The following ALOXE3 variants were observed in gnomAD, a reference collection of about 807,000 sequenced individuals.
The protein encoded by ALOXE3 is hydroperoxide isomerase ALOXE3.
Under a neutral mutation model 87.5 loss-of-function variants are expected in ALOXE3, and 78 were observed. The ratio of observed to expected loss-of-function variants is 0.89; its 90% CI spans 0.74 to 1.08. The LOEUF is 1.08. Among genes scored for constraint, ALOXE3 ranks in the 50% least tolerant of loss-of-function variants. ALOXE3 has a pLI of 0.00. For synonymous variants in ALOXE3, 363 were observed against 370.8 expected (o/e 0.98, Z 0.24); for missense variants, 946 against 912.4 (o/e 1.04, Z -0.47).
chr17:8,118,819 G>T (rs543216194), upstream of ALOXE3: 3 of 1,536,682 alleles, frequency 2.0e-6, no homozygotes, highest in Admixed American at 5.9e-5. Flanking sequence ...CAGGATCCTG[G>T]GCGGGAGCCC....
At chr17:8,109,047 C>A in intron 12 of ALOXE3, 127 bp downstream of exon 12, 1 of 1,414,918 alleles carries the variant, frequency 7.1e-7, no homozygotes, top group Non-Finnish European at 9.6e-7. Context: ...CAATTCATAC[C>A]CTCAAGAATT....
In ALOXE3 at chr17:8,114,493, G is replaced by C. The variant is rs754793448; in HGVS notation, c.671C>G (p.Ala224Gly). ...GGGACAATGGCCTTACGCAGGGATG[G>C]CATTGAAGAGCAGCGAGATCGTCTT... The part of the protein sequence containing the change: ...ATKTISLLFN[A>G]IPASLGMKLR... The change falls in exon 6 of 16, where the codon GCC becomes GGC. Residue 224 changes from alanine to glycine, a missense_variant. Physicochemically the swap from Ala to Gly is moderately conservative, Grantham distance 60. Transcript: ENST00000448843. 1 of 1,614,012 alleles carries C rather than the reference G, an allele frequency of 6.2e-7. No homozygotes were observed. The highest frequency in any genetic ancestry group is 8.5e-7 in the Non-Finnish European group (1 of 1,179,964).
rs1980073662 is a variant in ALOXE3 at position 8,111,408 on chromosome 17, A to G, written c.908T>C (p.Met303Thr). The change falls in exon 8 of 16, where the codon ATG becomes ACG. Residue 303 changes from methionine to threonine, a missense_variant. Physicochemically the swap from Met to Thr is moderately conservative, Grantham distance 81. Coordinates refer to ENST00000448843, the MANE Select transcript of ALOXE3 (RefSeq NM_021628.3). ...LPSKLPVTND[M>T]VAPLLGQDTC... ...GTCCTGTCCCAGCAAGGGGGCCACCATGTCATTGGTGACAGGCAGCTTGCT... is the reference window on the plus strand; with the variant it reads ...GTCCTGTCCCAGCAAGGGGGCCACCGTGTCATTGGTGACAGGCAGCTTGCT... 1.9e-6 allele frequency: 3 copies of G among 1,613,882 alleles called. No homozygotes were observed. Among genetic ancestry groups the G allele is most frequent in the Non-Finnish European group, 2.5e-6 (3 of 1,180,034 alleles).
intron 13 of ALOXE3, among the ~76,000 whole-genome samples, chr17:8,107,520 C>T (rs1034469943): frequency 6.6e-5 from 10 of 151,518 alleles, no homozygotes; most frequent in African/African-American, 2.4e-4. Context: ...CTGTCTCGCA[C>T]CAGGCGAGGT....
intron 13 of ALOXE3, 146 bp from the exon 14 acceptor site, chr17:8,104,361 G>T: frequency 1.5e-6 from 1 of 668,472 alleles, no homozygotes; most frequent in South Asian, 1.6e-5. Context: ...GTTAGGGATG[G>T]CCACCACCAA....
At chr17:8,117,764 A>G (rs976979115) in intron 2 of ALOXE3, 80 bp downstream of exon 2, 1 of 1,553,154 alleles carries the variant, frequency 6.4e-7, no homozygotes, top group Admixed American at 1.9e-5. Flanking sequence ...GCAGGATCTC[A>G]AGAGTCCAGG....
At position 8,096,727 on chromosome 17, in the gene ALOXE3, A is replaced by G. The variant is rs1978563392; in HGVS notation, c.2036T>C (p.Leu679Pro). 1.2e-6 allele frequency: 2 copies of G among 1,614,050 alleles called. No homozygotes were observed. Among genetic ancestry groups the G allele is most frequent in the Non-Finnish European group, 1.7e-6 (2 of 1,179,888 alleles). ...RRSIAAFQSR[L>P]AQISRDIQER... is the part of the protein sequence containing the mutation. ...CTGGATGTCCCTTGAGATCTGGGCC[A>G]GGCGGCTCTGGAAGGCGGCGATGCT... The change falls in exon 16 of 16, where the codon CTG becomes CCG. Residue 679 changes from leucine to proline, a missense_variant. Leu to Pro is a moderately conservative substitution (Grantham distance 98, BLOSUM62 -3). Transcript: ENST00000448843.
In ALOXE3 at chr17:8,110,357, C is replaced by T. The variant is rs1231418028; in HGVS notation, c.1101+28G>A. On this transcript the variant is annotated intron_variant, in intron 9 of 15. Coordinates refer to ENST00000448843, the MANE Select transcript of ALOXE3 (RefSeq NM_021628.3). ...GGCTGGCGGTTAGCACCTGAGCCCC[C>T]ATCCCGGGGCGGCGGCGCCGGGCTC... is the stretch of plus-strand genomic sequence containing the variant. The T allele has an allele frequency of 2.5e-6, 4 of 1,605,290 alleles. No individual in the cohort carries two copies. The East Asian group carries it at 9.0e-5, about 36-fold the overall frequency.
Position 8,110,195 on chromosome 17 carries a change from A to T in ALOXE3, c.1202T>A (p.Leu401Gln), listed in dbSNP as rs761241768. The change falls in exon 10 of 16, where the codon CTG becomes CAG. Residue 401 changes from leucine (L) to glutamine (Q), a missense_variant. Coordinates refer to ENST00000448843, the MANE Select transcript of ALOXE3 (RefSeq NM_021628.3). ...AAAGTGCGTGTTGTTTTCGTGCACC[A>T]GGAACTCAGAGTTGCGCACCCACGT... ...AKTWVRNSEF[L>Q]VHENNTHFLC... is the part of the protein sequence containing the mutation. 1.9e-6 allele frequency: 3 copies of T among 1,614,136 alleles called. No homozygotes were observed. The highest frequency in any genetic ancestry group is 2.5e-6 in the Non-Finnish European group (3 of 1,179,960).
intron 7 of ALOXE3, 106 bp downstream of exon 7, chr17:8,111,987 G>A: frequency 9.7e-7 from 1 of 1,034,964 alleles, no homozygotes; most frequent in Non-Finnish European, 1.5e-6. Context: ...AAATCCAGCA[G>A]TCTCCCTGGG....
At chr17:8,107,905 GAA>G (rs1414298996) in intron 13 of ALOXE3, among the ~76,000 whole-genome samples, 3 of 5,300 alleles carry the variant, frequency 5.7e-4, no homozygotes, top group African/African-American at 8.1e-4. Context: ...AAGAAAGAAA[GAA>G]AGAAAGAAAG....
chr17:8,110,163 T>C lies in ALOXE3; in HGVS notation c.1234A>G (p.Thr412Ala). 4.3e-6 allele frequency: 7 copies of C among 1,614,032 alleles called. No homozygotes were observed. The highest frequency in any genetic ancestry group is 5.9e-6 in the Non-Finnish European group (7 of 1,179,916). ...VHENNTHFLC[T>A]HLLCEAFAMA... ...GCGAAGGCCTCGCACAGCAAATGCG[T>C]GCACAGAAAGTGCGTGTTGTTTTCG... Residue 412 changes from threonine (T) to alanine (A), a missense_variant, in exon 10 of 16, where the codon ACG (threonine) becomes GCG (alanine). By Grantham distance (58) the Thr-to-Ala change is moderately conservative. Coordinates refer to ENST00000448843, the MANE Select transcript of ALOXE3 (RefSeq NM_021628.3).
At chr17:8,105,865 T>C (rs900036473) in intron 13 of ALOXE3, among the ~76,000 whole-genome samples, 1 of 135,162 alleles carries the variant, frequency 7.4e-6, no homozygotes, top group African/African-American at 2.9e-5. Context: ...CAGTGAGCTG[T>C]GATCACACCA....
At chr17:8,103,653 A>G in intron 14 of ALOXE3, 160 bp from the exon 15 acceptor site, 1 of 859,924 alleles carries the variant, frequency 1.2e-6, no homozygotes, top group South Asian at 1.5e-5. Context: ...GGGATCATGG[A>G]AAGGCAAGAG....
At position 8,118,292 on chromosome 17, in the gene ALOXE3, G is replaced by C. The variant is rs1447128734; in HGVS notation, c.-302C>G. On this transcript the variant is annotated 5_prime_UTR_variant, in exon 2 of 16. Coordinates refer to ENST00000448843, the MANE Select transcript of ALOXE3 (RefSeq NM_021628.3). ...TGGCTCACCCAGATGGATATCAGGA[G>C]CCTGGGTTCCACTGCGGAGGGAGGG... The C allele has an allele frequency of 1.3e-6, 2 of 1,551,752 alleles. No homozygotes were observed. The highest frequency in any genetic ancestry group is 1.7e-6 in the Non-Finnish European group (2 of 1,147,008).
intron 12 of ALOXE3, among the ~76,000 whole-genome samples, 155 bp downstream of exon 12, chr17:8,109,019 C>T (rs62065148): frequency 0.027 from 4,087 of 152,318 alleles, 82 homozygotes; most frequent in Middle Eastern, 0.054. Context: ...CCTGCCATTT[C>T]AGAAGGGACC....
intron 8 of ALOXE3, 134 bp downstream of exon 8, chr17:8,111,225 G>T: frequency 8.9e-7 from 1 of 1,124,058 alleles, no homozygotes; most frequent in Non-Finnish European, 1.3e-6. Context: ...CAGGACCATG[G>T]CTGCCCAGAG....
At chr17:8,104,811 GA>G (rs1318513662) in intron 13 of ALOXE3, among the ~76,000 whole-genome samples, 6 of 152,052 alleles carry the variant, frequency 3.9e-5, no homozygotes, top group Non-Finnish European at 8.8e-5. Flanking sequence ...GCCTCCAATG[GA>G]AAAAAGACAA....
intron 6 of ALOXE3, among the ~76,000 whole-genome samples, chr17:8,113,134 G>C (rs144728044): frequency 7.5e-4 from 114 of 152,292 alleles, no homozygotes; most frequent in African/African-American, 2.6e-3. Context: ...CAGAAGCAAA[G>C]TCCTTTATGG....
Sources: allele counts gnomAD v4.1 joint callset (sites outside exome capture counted in the v4.1 genomes callset), GRCh38; gene constraint gnomAD v4.1.1; transcripts MANE v1.5; gene names NCBI Gene and HGNC (gene_info 2026-07-23, HGNC 2026-07-21).